Variants in DLGAP2 observed in about 807,000 individuals in gnomAD.
DLGAP2 encodes disks large-associated protein 2.
Under a neutral mutation model 100.3 loss-of-function variants are expected in DLGAP2, and 26 were observed. The ratio of observed to expected loss-of-function variants is 0.26; its 90% CI spans 0.19 to 0.36. The LOEUF is 0.36. Ranked by LOEUF, DLGAP2 falls within the 10% of genes least tolerant of loss-of-function variation. DLGAP2 has a pLI of 1.00. For synonymous variants in DLGAP2, 886 were observed against 630.1 expected (o/e 1.41, Z -6.08); for missense variants, 1,858 against 1,453.2 (o/e 1.28, Z -4.53).
At chr8:968,805 G>A (rs1319743970) in intron 2 of DLGAP2, among the ~76,000 whole-genome samples, 2 of 152,238 alleles carry the variant, frequency 1.3e-5, no homozygotes, top group African/African-American at 2.4e-5. Flanking sequence ...GCGACTCCAC[G>A]TATAATGAGT....
chr8:1,287,155 T>TGCGC (rs1207752490), intron 3 of DLGAP2, among the ~76,000 whole-genome samples: 3 of 98,534 alleles, frequency 3.0e-5, no homozygotes, highest in African/African-American at 7.5e-5. Flanking sequence ...TGTGTGTGTG[T>TGCGC]GTGCGCGCGC....
intron 1 of DLGAP2, among the ~76,000 whole-genome samples, chr8:762,257 C>CT (rs75767485): frequency 0.086 from 13,132 of 152,246 alleles, 885 homozygotes; most frequent in East Asian, 0.35. Flanking sequence ...TAGCAGTTTA[C>CT]TTTTTATGTG....
chr8:1,265,853 C>G (rs1430818299), intron 3 of DLGAP2, among the ~76,000 whole-genome samples: 1 of 152,064 alleles, frequency 6.6e-6, no homozygotes, highest in African/African-American at 2.4e-5. Flanking sequence ...GAAGAGTAGA[C>G]AGGTAGGGGA....
intron 2 of DLGAP2, among the ~76,000 whole-genome samples, chr8:1,181,859 C>T (rs1797396098): frequency 6.6e-6 from 1 of 152,148 alleles, no homozygotes; most frequent in Non-Finnish European, 1.5e-5. Flanking sequence ...TGCACGGCAC[C>T]CCCTGGAGAG....
intron 2 of DLGAP2, among the ~76,000 whole-genome samples, chr8:1,020,391 T>C (rs1801594268): frequency 6.6e-6 from 1 of 152,246 alleles, no homozygotes; most frequent in African/African-American, 2.4e-5. Flanking sequence ...TTCCTATCTC[T>C]AATCCAAGCC....
intron 6 of DLGAP2, among the ~76,000 whole-genome samples, chr8:1,606,375 C>T (rs1330862449): frequency 6.6e-6 from 1 of 152,134 alleles, no homozygotes; most frequent in African/African-American, 2.4e-5. Context: ...ATAAACTTTA[C>T]ACCAAAAAGA....
At chr8:1,357,840 A>G (rs754738240) in intron 3 of DLGAP2, among the ~76,000 whole-genome samples, 9 of 152,154 alleles carry the variant, frequency 5.9e-5, no homozygotes, top group Non-Finnish European at 4.4e-5. Flanking sequence ...CTCAGAGCAC[A>G]GGGAGGGGGC....
chr8:1,225,635 A>G (rs1798398591), intron 2 of DLGAP2, among the ~76,000 whole-genome samples: 1 of 152,228 alleles, frequency 6.6e-6, no homozygotes, highest in Non-Finnish European at 1.5e-5. Context: ...AACACTTTTA[A>G]GCCAATAAAT....
intron 3 of DLGAP2, among the ~76,000 whole-genome samples, chr8:1,439,714 A>G (rs1407275629): frequency 2.6e-5 from 4 of 152,082 alleles, no homozygotes; most frequent in Non-Finnish European, 4.4e-5. Flanking sequence ...TCTTCCCGCC[A>G]TCCCCTAGGC....
intron 2 of DLGAP2, among the ~76,000 whole-genome samples, chr8:1,021,043 G>A (rs1477545837): frequency 6.6e-6 from 1 of 152,188 alleles, no homozygotes; most frequent in Non-Finnish European, 1.5e-5. Flanking sequence ...CCATGCACGT[G>A]TCACACCTGG....
Position 1,260,793 on chromosome 8 carries a change from C to T in DLGAP2, c.106+1910C>T, listed in dbSNP as rs373841694. On this transcript the variant is annotated intron_variant, in intron 3 of 14. Coordinates refer to ENST00000637795, the MANE Select transcript of DLGAP2 (RefSeq NM_001346810.2). The stretch of plus-strand genomic sequence containing the variant: ...TGACTCTAGAGGGGACCTTGGCTGG[C>T]GCAGGCTGACTTGAGGCGACTGTAG... Among the ~76,000 whole-genome samples the T allele has an allele frequency of 1.6e-4, 25 of 152,288 alleles. No homozygotes were observed. In the South Asian group the frequency reaches 4.6e-3, roughly 28 times the overall value.
chr8:1,510,368 A>G (rs1344629244), intron 4 of DLGAP2, among the ~76,000 whole-genome samples: 1 of 152,186 alleles, frequency 6.6e-6, no homozygotes, highest in Non-Finnish European at 1.5e-5. Context: ...AGGCTTCCAG[A>G]GGAACTCTGC....
chr8:1,236,959 T>TAC (rs879263391), intron 2 of DLGAP2, among the ~76,000 whole-genome samples: 2,486 of 128,512 alleles, frequency 0.019, 29 homozygotes, highest in Middle Eastern at 0.046. Context: ...CGTGTCTAGT[T>TAC]CTCTCACATG....
At chr8:1,652,072 A>G (rs1563281696) in intron 8 of DLGAP2, among the ~76,000 whole-genome samples, 1 of 151,996 alleles carries the variant, frequency 6.6e-6, no homozygotes, top group Non-Finnish European at 1.5e-5. Context: ...CTGGTCATAC[A>G]CTCTTTAACA....
At chr8:780,519 C>G (rs2132622846) in intron 1 of DLGAP2, among the ~76,000 whole-genome samples, 1 of 152,298 alleles carries the variant, frequency 6.6e-6, no homozygotes, top group Non-Finnish European at 1.5e-5. Context: ...TGTGCTAGCT[C>G]TACTTTGGTT....
At chr8:799,869 T>C (rs4735926) in intron 1 of DLGAP2, among the ~76,000 whole-genome samples, 38,172 of 152,150 alleles carry the variant, frequency 0.25, 6,042 homozygotes, top group African/African-American at 0.44. Flanking sequence ...AGTGCTGGGA[T>C]GATAGGTGAG....
intron 2 of DLGAP2, among the ~76,000 whole-genome samples, chr8:1,073,916 A>C (rs1803510671): frequency 6.6e-6 from 1 of 152,214 alleles, no homozygotes; most frequent in Admixed American, 6.5e-5. Context: ...CTGCGTATTC[A>C]GGATTCACTG....
chr8:830,787 A>G (rs892452721), intron 1 of DLGAP2, among the ~76,000 whole-genome samples: 1 of 151,828 alleles, frequency 6.6e-6, no homozygotes, highest in African/African-American at 2.4e-5. Context: ...TCATGTTGCC[A>G]TTTGAGTTAT....
In DLGAP2 at chr8:1,706,979, G is replaced by T. The variant is rs142826489; in HGVS notation, c.*5573G>T. On this transcript the variant is annotated 3_prime_UTR_variant, in exon 15 of 15. Transcript: ENST00000637795. ...TATGAATTGCTGTCCTAACCCTGGCGTTTTTATCCAGTGTTAAAATAAATT... is the reference window on the plus strand; with the variant it reads ...TATGAATTGCTGTCCTAACCCTGGCTTTTTTATCCAGTGTTAAAATAAATT... 1 of 152,582 alleles carries T rather than the reference G, an allele frequency of 6.6e-6. No homozygotes were observed. The highest frequency in any genetic ancestry group is 2.4e-5 in the African/African-American group (1 of 41,432). The allele number at this position is 152,582 out of a possible 1,614,324, so 9.5% of individuals were successfully genotyped here.
Sources: gnomAD v4.1 joint callset for allele counts (sites outside exome capture counted in the v4.1 genomes callset) on GRCh38, gnomAD v4.1.1 for gene constraint, MANE v1.5 for transcripts, NCBI Gene and HGNC (gene_info 2026-07-23, HGNC 2026-07-21) for gene names.